The following GRAMD2B variants were observed in gnomAD, a reference collection of about 807,000 sequenced individuals.
The protein encoded by GRAMD2B is GRAM domain containing 2B.
In GRAMD2B, 41 loss-of-function variants were observed where a neutral mutation model predicts 59.2. The ratio of observed to expected loss-of-function variants is 0.69; its 90% confidence interval spans 0.54 to 0.90. The LOEUF (loss-of-function observed/expected upper bound fraction) is 0.90. Among genes scored for constraint, GRAMD2B ranks in the 40% least tolerant of loss-of-function variants. The probability of loss-of-function intolerance (pLI) is 0.00; values close to 1 mark genes in which losing one functional copy is unlikely to be tolerated. For missense variants in GRAMD2B, 424 were observed against 500.5 expected (o/e 0.85, Z 1.46); for synonymous variants, 161 against 182.7 (o/e 0.88, Z 0.96).
At chr5:126,404,936 T>A (rs1034464067) in intron 1 of GRAMD2B, among the ~76,000 whole-genome samples, 1 of 151,892 alleles carries the variant, frequency 6.6e-6, no homozygotes, top group Non-Finnish European at 1.5e-5. Flanking sequence ...TCTCCATATT[T>A]TAATTATCAC....
At chr5:126,471,046 A>G (rs1041522319) in intron 3 of GRAMD2B, among the ~76,000 whole-genome samples, 1 of 152,202 alleles carries the variant, frequency 6.6e-6, no homozygotes, top group Non-Finnish European at 1.5e-5. Context: ...GTATCTTTCT[A>G]TAAGGAGTTT....
intron 1 of GRAMD2B, among the ~76,000 whole-genome samples, chr5:126,438,493 A>G (rs774540416): frequency 5.9e-5 from 9 of 152,230 alleles, no homozygotes; most frequent in Non-Finnish European, 1.3e-4. Context: ...GTGCTCTTGT[A>G]TAATGACTTC....
chr5:126,435,784 T>C (rs907251205), intron 1 of GRAMD2B, among the ~76,000 whole-genome samples: 1 of 152,158 alleles, frequency 6.6e-6, no homozygotes, highest in African/African-American at 2.4e-5. Flanking sequence ...ATGAATAGAG[T>C]CCTTGCTTTC....
chr5:126,414,758 C>T (rs1467746708), intron 1 of GRAMD2B, among the ~76,000 whole-genome samples: 1 of 152,162 alleles, frequency 6.6e-6, no homozygotes, highest in African/African-American at 2.4e-5. Flanking sequence ...CATGAGCCAC[C>T]ATGCCCCGCC....
At chr5:126,482,786 T>C (rs1297689116) in intron 8 of GRAMD2B, among the ~76,000 whole-genome samples, 1 of 152,234 alleles carries the variant, frequency 6.6e-6, no homozygotes, top group Non-Finnish European at 1.5e-5. Flanking sequence ...TCAGCCTAAT[T>C]GTACCTTTGC....
chr5:126,455,354 A>G (rs1175788277), intron 1 of GRAMD2B, among the ~76,000 whole-genome samples: 2 of 152,180 alleles, frequency 1.3e-5, no homozygotes, highest in African/African-American at 4.8e-5. Flanking sequence ...ATGAAGTCTA[A>G]AAGTAGCCTT....
chr5:126,424,098 G>A (rs1361711223), intron 1 of GRAMD2B, among the ~76,000 whole-genome samples: 3 of 152,146 alleles, frequency 2.0e-5, no homozygotes, highest in Non-Finnish European at 4.4e-5. Flanking sequence ...AAGGATAAAT[G>A]TTATTTTGGA....
chr5:126,385,668 T>G (rs1756059421), intron 1 of GRAMD2B, among the ~76,000 whole-genome samples: 1 of 152,190 alleles, frequency 6.6e-6, no homozygotes, highest in African/African-American at 2.4e-5. Flanking sequence ...GCACTAGAGA[T>G]CCATTGGTGA....
chr5:126,472,173 G>T, intron 3 of GRAMD2B, 65 bp from the exon 4 acceptor site: 1 of 1,303,954 alleles, frequency 7.7e-7, no homozygotes, highest in Non-Finnish European at 1.1e-6. Flanking sequence ...TGTTGTTGAA[G>T]TTGAATTTGT....
intron 1 of GRAMD2B, among the ~76,000 whole-genome samples, chr5:126,402,884 T>C (rs1757958591): frequency 6.6e-6 from 1 of 152,064 alleles, no homozygotes; most frequent in Non-Finnish European, 1.5e-5. Flanking sequence ...TAGGAATCTG[T>C]AGTAAATTCA....
At chr5:126,370,867 T>A (rs144540368), upstream of GRAMD2B, among the ~76,000 whole-genome samples, 245 of 152,344 alleles carry the variant, frequency 1.6e-3, 1 homozygote, top group African/African-American at 5.5e-3. Flanking sequence ...ACTTTGTGTA[T>A]ATCACTTCCA....
intron 1 of GRAMD2B, among the ~76,000 whole-genome samples, chr5:126,434,334 G>A (rs894125731): frequency 2.6e-5 from 4 of 151,778 alleles, no homozygotes; most frequent in African/African-American, 9.7e-5. Context: ...ATGAGCTTAG[G>A]CAGTGAAAGT....
chr5:126,395,695 A>T (rs1212413607), intron 1 of GRAMD2B, among the ~76,000 whole-genome samples: 1 of 152,180 alleles, frequency 6.6e-6, no homozygotes, highest in East Asian at 1.9e-4. Flanking sequence ...AACGTCGGGG[A>T]CTGAAAATTC....
Position 126,439,744 on chromosome 5 carries a change from C to G in GRAMD2B, c.83+16055C>G, listed in dbSNP as rs369544259. ...TCAATGATACGGTTTGGCTGAGTCC[C>G]CACTCAAATCTCATCTTGACTGGAG... On this transcript the variant is annotated intron_variant, in intron 1 of 13. Coordinates refer to ENST00000285689, the MANE Select transcript of GRAMD2B (RefSeq NM_023927.4). 7.9e-5 allele frequency among the ~76,000 whole-genome samples: 12 copies of G among 152,252 alleles called. No homozygotes were observed. In the East Asian group the frequency reaches 9.6e-4, roughly 12 times the overall value.
chr5:126,374,371 A>G (rs1373777230), intron 1 of GRAMD2B, among the ~76,000 whole-genome samples: 1 of 152,178 alleles, frequency 6.6e-6, no homozygotes, highest in East Asian at 1.9e-4. Flanking sequence ...CTTCTATAAA[A>G]TGCCTACTTA....
At chr5:126,484,713 A>T (rs1772569755) in intron 10 of GRAMD2B, among the ~76,000 whole-genome samples, 189 bp downstream of exon 10, 1 of 151,960 alleles carries the variant, frequency 6.6e-6, no homozygotes, top group South Asian at 2.1e-4. Flanking sequence ...CCTCCTGAGT[A>T]GCTGGGATTA....
chr5:126,465,611 CA>C, intron 2 of GRAMD2B, 66 bp downstream of exon 2: 1 of 1,466,020 alleles, frequency 6.8e-7, no homozygotes, highest in South Asian at 1.2e-5. Context: ...ACAGGAGGAG[CA>C]GGGGTTTTTT....
At chr5:126,380,686 A>T (rs940477213) in intron 1 of GRAMD2B, among the ~76,000 whole-genome samples, 64 of 152,094 alleles carry the variant, frequency 4.2e-4, no homozygotes, top group African/African-American at 1.5e-3. Flanking sequence ...TGAGTTATTG[A>T]TGTGATTCTC....
At position 126,475,835 on chromosome 5, in the gene GRAMD2B, G is replaced by A. The variant is rs148677418; in HGVS notation, c.487-1857G>A. On this transcript the variant is annotated intron_variant, in intron 5 of 13. Coordinates refer to ENST00000285689, the MANE Select transcript of GRAMD2B (RefSeq NM_023927.4). ...CAAAATTAGCTGGATGTGGCCGGGCGCAGTGGTTCACACCTGTAATCTCAG... is the reference window on the plus strand; with the variant it reads ...CAAAATTAGCTGGATGTGGCCGGGCACAGTGGTTCACACCTGTAATCTCAG... Among the ~76,000 whole-genome samples, 800 of 152,004 alleles carry A rather than the reference G, an allele frequency of 5.3e-3. 5 individuals are homozygous for A. The highest frequency in any genetic ancestry group is 0.018 in the African/African-American group (735 of 41,426).
Sources: allele counts gnomAD v4.1 joint callset (sites outside exome capture counted in the v4.1 genomes callset), GRCh38; gene constraint gnomAD v4.1.1; transcripts MANE v1.5; gene names NCBI Gene and HGNC (gene_info 2026-07-23, HGNC 2026-07-21).